The following RGS11 variants were observed in gnomAD, a reference collection of about 807,000 sequenced individuals.
RGS11 encodes the protein regulator of G-protein signaling 11.
RGS11 carries 86 observed loss-of-function variants against 71.1 expected under a neutral mutation model. The observed-to-expected ratio is 1.21, with a 90% CI of 1.02 to 1.45. The LOEUF is 1.45. Among genes scored for constraint, RGS11 ranks in the 40% most tolerant of loss-of-function variants. The pLI is 0.00. For missense variants in RGS11, 734 were observed against 635.1 expected (o/e 1.16, Z -1.67); for synonymous variants, 298 against 254.2 (o/e 1.17, Z -1.64).
At position 270,579 on chromosome 16, in the gene RGS11, GC is replaced by G; in HGVS notation, c.1149del (p.Gln383HisfsTer18). On this transcript the variant is annotated frameshift_variant, in exon 15 of 17. Coordinates refer to ENST00000397770, the MANE Select transcript of RGS11 (RefSeq NM_183337.3). LOFTEE classifies it high-confidence loss of function. The stretch of plus-strand genomic sequence containing the variant: ...GCGTCATCCAGGACATAGCGGTGGG[GC>G]TGGCGCAGCCCCTCCAGGGTCTGCT... Reference protein sequence around the residue: ...TMEQTLEGLRQPHRYVLDDAQ... With the variant: ...TMEQTLEGLRXPHRYVLDDAQ... 6.2e-7 allele frequency: 1 copy of G among 1,608,574 alleles called. No homozygotes were observed. The highest frequency in any genetic ancestry group is 8.5e-7 in the Non-Finnish European group (1 of 1,178,068).
At position 272,864 on chromosome 16, in the gene RGS11, A is replaced by G. The variant is rs565116982; in HGVS notation, c.656T>C (p.Met219Thr). ...RGSCAASRVL[M>T]TKSADFHKRE... The stretch of plus-strand genomic sequence containing the variant: ...GCCAGCACGCACGCAGGGGCTCACC[A>G]TGAGCACACGGCTGGCAGCGCAGGA... Residue 219 changes from methionine to threonine, a missense_variant and splice_region_variant, in exon 9 of 17, where the codon ATG (methionine) becomes ACG (threonine). Physicochemically the swap from Met to Thr is moderately conservative, Grantham distance 81. Transcript: ENST00000397770. 1.3e-6 allele frequency: 2 copies of G among 1,542,864 alleles called. No individual in the cohort carries two copies. Among genetic ancestry groups the G allele is most frequent in the African/African-American group, 2.7e-5 (2 of 73,072 alleles).
chr16:270,432 G>A (rs545952731), intron 15 of RGS11, 91 bp downstream of exon 15: 1 of 1,427,608 alleles, frequency 7.0e-7, no homozygotes, highest in Non-Finnish European at 9.4e-7. Flanking sequence ...AACGTGGGCA[G>A]TGCCTGTGCG....
chr16:273,385 CAA>C, intron 8 of RGS11, 88 bp downstream of exon 8: 1 of 1,033,394 alleles, frequency 9.7e-7, no homozygotes, highest in Admixed American at 2.5e-5. Context: ...TCCACAGGCT[CAA>C]AATGGTGGTC....
intron 9 of RGS11, chr16:272,440 T>G (rs1253494466): frequency 1.5e-6 from 2 of 1,310,018 alleles, no homozygotes; most frequent in Non-Finnish European, 2.0e-6. Flanking sequence ...GTTTTGCTGC[T>G]GCGGGGCTCA....
At chr16:272,726 A>C in intron 9 of RGS11, 137 bp downstream of exon 9, 1 of 1,495,750 alleles carries the variant, frequency 6.7e-7, no homozygotes, top group African/African-American at 1.4e-5. Context: ...GGGAGTGAGC[A>C]GGGGCTTGGG....
chr16:268,655 G>A lies in RGS11; in HGVS notation c.*614C>T. 2.0e-6 allele frequency: 2 copies of A among 1,005,692 alleles called. No homozygotes were observed. The highest frequency in any genetic ancestry group is 2.9e-6 in the Non-Finnish European group (2 of 683,042). The allele number at this position is 1,005,692 out of a possible 1,614,324, so 62.3% of individuals were successfully genotyped here. ...CCGCGGCCTCGAGGTGGGAAAGCAG[G>A]TGCCGGCGCACCTGTGGACAAATTC... On this transcript the variant is annotated 3_prime_UTR_variant, in exon 17 of 17. Coordinates refer to ENST00000397770, the MANE Select transcript of RGS11 (RefSeq NM_183337.3).
At position 272,536 on chromosome 16, in the gene RGS11, C is replaced by T. The variant is rs543335223; in HGVS notation, c.657+327G>A. ...GGATCTGCTGAGGTCTGTCAGAGGC[C>T]GTAACCCTGCTTGTCACCCCTCCAA... On this transcript the variant is annotated intron_variant, in intron 9 of 16. Coordinates refer to ENST00000397770, the MANE Select transcript of RGS11 (RefSeq NM_183337.3). 77 of 1,409,666 alleles carry T rather than the reference C, an allele frequency of 5.5e-5. No individual in the cohort carries two copies. The African/African-American group carries it at 6.8e-4, about 13-fold the overall frequency. 87.3% of individuals were successfully genotyped at this position (1,409,666 alleles called of 1,614,324 possible). A position where few individuals can be genotyped will look rare whatever the true frequency, so the allele number is the denominator to read the frequency against.
intron 1 of RGS11, 51 bp downstream of exon 1, chr16:275,798 C>G: frequency 1.4e-6 from 1 of 732,802 alleles, no homozygotes; most frequent in Non-Finnish European, 1.8e-6. Flanking sequence ...CCCCTCCCGG[C>G]CTCGGGCGCC....
rs577520979 is a variant in RGS11, at chr16:274,808, G to A, written c.318+168C>T. The A allele has an allele frequency of 1.1e-4, 100 of 930,922 alleles. No homozygotes were observed. The African/African-American group carries it at 1.4e-3, about 13-fold the overall frequency. 57.7% of individuals were successfully genotyped at this position (930,922 alleles called of 1,614,324 possible). A position where few individuals can be genotyped will look rare whatever the true frequency, so the allele number is the denominator to read the frequency against. On this transcript the variant is annotated intron_variant, in intron 4 of 16. Transcript: ENST00000397770. ...CCTTCTCACCACATCCGTACTTGCGGTCCAGGACTTTTGGGGAGGGGGCGA... is the reference window on the plus strand; with the variant it reads ...CCTTCTCACCACATCCGTACTTGCGATCCAGGACTTTTGGGGAGGGGGCGA...
In RGS11 at chr16:269,138, C is replaced by A. The variant is rs934230243; in HGVS notation, c.*131G>T. The A allele has an allele frequency of 2.2e-6, 2 of 906,170 alleles. No homozygotes were observed. Among genetic ancestry groups the A allele is most frequent in the African/African-American group, 1.7e-5 (1 of 60,498 alleles). 56.1% of individuals were successfully genotyped at this position (906,170 alleles called of 1,614,324 possible). On this transcript the variant is annotated 3_prime_UTR_variant, in exon 17 of 17. Coordinates refer to ENST00000397770, the MANE Select transcript of RGS11 (RefSeq NM_183337.3). The stretch of plus-strand genomic sequence containing the variant: ...GCTGTGCACCCCACAGAAGACTGGG[C>A]CCCCTGGGCACAAGGGGACACTGGT...
In RGS11 at chr16:275,459, C is replaced by T. The variant is rs2052129150; in HGVS notation, c.103G>A (p.Gly35Ser). Residue 35 changes from glycine to serine, a missense_variant, in exon 2 of 17, where the codon GGC (glycine) becomes AGC (serine). By Grantham distance (56) the Gly-to-Ser change is moderately conservative (BLOSUM62 0). Transcript: ENST00000397770. ...VVVSMQDPDQ[G>S]VKMRSQRLLV... ...AGGCGCTGGCTCCGCATCTTCACGC[C>T]CTGGTCGGGGTCCTGCATGCTCACG... 3 of 1,593,888 alleles carry T rather than the reference C, an allele frequency of 1.9e-6. No homozygotes were observed. The highest frequency in any genetic ancestry group is 2.5e-6 in the Non-Finnish European group (3 of 1,177,208).
rs770702118 is a variant in RGS11, at chr16:274,904, TC to T, written c.318+71del. ...CAGCAAGCTCGGCGCCCCTCCTGTC[TC>T]CCCGAGTTGGTAAGCTGGGTGGGTG... On this transcript the variant is annotated intron_variant, in intron 4 of 16. Coordinates refer to ENST00000397770, the MANE Select transcript of RGS11 (RefSeq NM_183337.3). 14 of 935,986 alleles carry T rather than the reference TC, an allele frequency of 1.5e-5. No individual in the cohort carries two copies. In the South Asian group the frequency reaches 2.4e-4, roughly 16 times the overall value. 58.0% of individuals were successfully genotyped at this position (935,986 alleles called of 1,614,324 possible).
At chr16:270,874 C>A in intron 13 of RGS11, 43 bp from the exon 14 acceptor site, 1 of 1,595,918 alleles carries the variant, frequency 6.3e-7, no homozygotes, top group Non-Finnish European at 8.5e-7. Context: ...TCGAGAGTGG[C>A]AGCCAGGGCC....
At chr16:269,462 C>T (rs1317546804) in intron 16 of RGS11, 41 bp downstream of exon 16, 5 of 1,604,234 alleles carry the variant, frequency 3.1e-6, no homozygotes, top group Non-Finnish European at 4.3e-6. Context: ...CAGCAGCCCC[C>T]AGGCCACAGC....
intron 8 of RGS11, 65 bp from the exon 9 acceptor site, chr16:272,996 G>A (rs2052005646): frequency 7.2e-7 from 1 of 1,380,814 alleles, no homozygotes; most frequent in Non-Finnish European, 9.6e-7. Context: ...TTAAGGCTAA[G>A]TTCCCCCTCC....
rs748252038 is a variant in RGS11, at chr16:268,693, G to A, written c.*576C>T. On this transcript the variant is annotated 3_prime_UTR_variant, in exon 17 of 17. Transcript: ENST00000397770. ...TGTGGACAAATTCTGGAACGCGTTT[G>A]GCGAGGGAGGAATAGGCGCAGCTCC... 2.1e-6 allele frequency: 3 copies of A among 1,428,260 alleles called. No homozygotes were observed. The highest frequency in any genetic ancestry group is 2.9e-6 in the Non-Finnish European group (3 of 1,050,094). 88.5% of individuals were successfully genotyped at this position (1,428,260 alleles called of 1,614,324 possible).
chr16:272,141 T>A (rs1181201349), intron 9 of RGS11: 2 of 1,143,168 alleles, frequency 1.7e-6, no homozygotes, highest in Non-Finnish European at 2.2e-6. Context: ...CGGCCTAATA[T>A]GTCACATTTT....
intron 7 of RGS11, 89 bp downstream of exon 7, chr16:273,671 C>G: frequency 6.5e-7 from 1 of 1,533,574 alleles, no homozygotes; most frequent in Non-Finnish European, 9.0e-7. Context: ...TCCACGGTCC[C>G]AGGGCCACCG....
chr16:271,767 G>T (rs1007780726), intron 9 of RGS11, 198 bp from the exon 10 acceptor site: 3 of 605,408 alleles, frequency 5.0e-6, no homozygotes, highest in Non-Finnish European at 8.8e-6. Flanking sequence ...GGGGCCTAAG[G>T]TCTGGCGATC....
Sources: gnomAD v4.1 joint callset for allele counts on GRCh38, gnomAD v4.1.1 for gene constraint, MANE v1.5 for transcripts, NCBI Gene and HGNC (gene_info 2026-07-23, HGNC 2026-07-21) for gene names.